Variants in RPTOR observed in about 807,000 individuals in gnomAD.
The protein encoded by RPTOR is regulatory-associated protein of mTOR.
Under a neutral mutation model 169.9 loss-of-function variants are expected in RPTOR, and 21 were observed. That is an observed-to-expected ratio of 0.12 (90% CI 0.09 to 0.18). RPTOR has a LOEUF of 0.18. Among genes scored for constraint, RPTOR ranks in the 10% least tolerant of loss-of-function variants. The pLI, the probability that RPTOR is intolerant of heterozygous loss-of-function variation, is 1.00. For missense variants in RPTOR, 1,133 were observed against 1,855.9 expected (o/e 0.61, Z 7.16); for synonymous variants, 732 against 753.2 (o/e 0.97, Z 0.46).
At chr17:80,816,273 G>T (rs575552578) in intron 7 of RPTOR, among the ~76,000 whole-genome samples, 1 of 152,246 alleles carries the variant, frequency 6.6e-6, no homozygotes, top group East Asian at 1.9e-4. Context: ...AGGCCTGGCT[G>T]CAGGGTGCCG....
At chr17:80,701,470 A>G (rs1260444878) in intron 3 of RPTOR, among the ~76,000 whole-genome samples, 3 of 152,172 alleles carry the variant, frequency 2.0e-5, no homozygotes, top group Admixed American at 6.5e-5. Context: ...CTTCCAGGGA[A>G]ATGCCGGGCA....
intron 24 of RPTOR, among the ~76,000 whole-genome samples, chr17:80,939,434 G>T (rs2068996267): frequency 6.6e-6 from 1 of 152,250 alleles, no homozygotes; most frequent in African/African-American, 2.4e-5. Context: ...CCTTTGCTCA[G>T]GGAAGAGAGG....
chr17:80,634,224 G>A (rs538436601), intron 2 of RPTOR, among the ~76,000 whole-genome samples: 7 of 149,294 alleles, frequency 4.7e-5, no homozygotes, highest in Admixed American at 1.3e-4. Flanking sequence ...CTGTGTGCGT[G>A]TGTGTACTGT....
intron 7 of RPTOR, among the ~76,000 whole-genome samples, chr17:80,793,921 C>T (rs1215629567): frequency 6.6e-6 from 1 of 152,208 alleles, no homozygotes; most frequent in Non-Finnish European, 1.5e-5. Context: ...GCCTAGAGCT[C>T]AGGTCTCAGG....
chr17:80,855,437 G>A (rs2143744183), intron 11 of RPTOR, 27 bp from the exon 12 acceptor site: 1 of 1,568,118 alleles, frequency 6.4e-7, no homozygotes, highest in Non-Finnish European at 8.8e-7. Context: ...GGTTTGCAGT[G>A]ATACCATTTT....
At chr17:80,567,782 A>G (rs2064860597) in intron 1 of RPTOR, among the ~76,000 whole-genome samples, 1 of 149,662 alleles carries the variant, frequency 6.7e-6, no homozygotes, top group African/African-American at 2.4e-5. Flanking sequence ...ACAGAGTGAG[A>G]CTCTGTATCA....
intron 5 of RPTOR, among the ~76,000 whole-genome samples, chr17:80,750,061 A>G (rs1028392185): frequency 6.6e-6 from 1 of 152,034 alleles, no homozygotes; most frequent in Non-Finnish European, 1.5e-5. Context: ...CATCTTGCCC[A>G]GGCTGATCTT....
intron 7 of RPTOR, among the ~76,000 whole-genome samples, chr17:80,794,804 C>T (rs575802888): frequency 6.6e-6 from 1 of 152,366 alleles, no homozygotes; most frequent in South Asian, 2.1e-4. Flanking sequence ...AGAAGCCCAT[C>T]TCCAAGGGTG....
chr17:80,942,865 G>A (rs906465974), intron 25 of RPTOR, among the ~76,000 whole-genome samples: 1 of 152,210 alleles, frequency 6.6e-6, no homozygotes, highest in Admixed American at 6.5e-5. Context: ...CGTGGGCTGG[G>A]TGGGGTTTCC....
chr17:80,845,390 G>A lies in RPTOR; in HGVS notation c.1213-1083G>A, dbSNP rs937484911. 9.9e-5 allele frequency among the ~76,000 whole-genome samples: 15 copies of A among 151,672 alleles called. No individual in the cohort carries two copies. Among genetic ancestry groups the A allele is most frequent in the Middle Eastern group, 3.2e-3 (1 of 316 alleles). ...CTGTCCAGCTGCAACCCCTCCTCCC[G>A]CCCTCACCCCAGAGAGTACCCTCGT... On this transcript the variant is annotated intron_variant, in intron 10 of 33. Transcript: ENST00000306801. The surrounding 1 kb of genome is among the most constrained non-coding windows in gnomAD (Gnocchi z 5.4).
At chr17:80,614,264 A>T (rs941857177) in intron 1 of RPTOR, among the ~76,000 whole-genome samples, 2 of 152,242 alleles carry the variant, frequency 1.3e-5, no homozygotes, top group Non-Finnish European at 2.9e-5. Context: ...CTCCCCGAGA[A>T]GGGGGCCTGT....
intron 27 of RPTOR, among the ~76,000 whole-genome samples, chr17:80,948,339 G>A (rs533930787): frequency 6.6e-6 from 1 of 152,386 alleles, no homozygotes; most frequent in East Asian, 1.9e-4. Flanking sequence ...TGCCCCCTCA[G>A]GACCAAGTAG....
At chr17:80,717,510 G>T (rs1373002803) in intron 4 of RPTOR, among the ~76,000 whole-genome samples, 1 of 151,918 alleles carries the variant, frequency 6.6e-6, no homozygotes, top group Admixed American at 6.5e-5. Flanking sequence ...GGTTTATTTT[G>T]CACATCACGT....
At chr17:80,652,059 A>G (rs1438379153) in intron 3 of RPTOR, among the ~76,000 whole-genome samples, 1 of 151,714 alleles carries the variant, frequency 6.6e-6, no homozygotes. Flanking sequence ...AGTCCCAGCT[A>G]TTCCGGAGGC....
intron 21 of RPTOR, 140 bp from the exon 22 acceptor site, chr17:80,922,584 T>C (rs1216389927): frequency 1.4e-6 from 1 of 705,772 alleles, no homozygotes. Flanking sequence ...AGCTGGGGCC[T>C]TCCATTGGTG....
intron 5 of RPTOR, chr17:80,743,369 C>G: frequency 1.0e-6 from 1 of 985,420 alleles, no homozygotes; most frequent in African/African-American, 1.7e-5. Flanking sequence ...CCGAGGGAGG[C>G]CTGAAGGAGA....
At position 80,800,844 on chromosome 17, in the gene RPTOR, T is replaced by C. The variant is rs1253729322; in HGVS notation, c.890+9335T>C. ...AGTTAGTATTCTGATCACTGGAGGC[T>C]CAAAGCGTACCCAGAACTTACTCGT... is the stretch of plus-strand genomic sequence containing the variant. On this transcript the variant is annotated intron_variant, in intron 7 of 33. Coordinates refer to ENST00000306801, the MANE Select transcript of RPTOR (RefSeq NM_020761.3). 3.9e-5 allele frequency among the ~76,000 whole-genome samples: 6 copies of C among 152,200 alleles called. No homozygotes were observed. The East Asian group carries it at 1.2e-3, about 29-fold the overall frequency.
chr17:80,571,892 T>G (rs1408555322), intron 1 of RPTOR, among the ~76,000 whole-genome samples: 1 of 152,224 alleles, frequency 6.6e-6, no homozygotes, highest in East Asian at 1.9e-4. Context: ...GTGTGTTGCT[T>G]CTTTTCTCAG....
chr17:80,796,301 C>T (rs1425739549), intron 7 of RPTOR, among the ~76,000 whole-genome samples: 1 of 152,206 alleles, frequency 6.6e-6, no homozygotes, highest in Non-Finnish European at 1.5e-5. Context: ...GCCAGTCTGA[C>T]TCCCAAAGCT....
Sources: gnomAD v4.1 joint callset for allele counts (sites outside exome capture counted in the v4.1 genomes callset) on GRCh38, gnomAD v4.1.1 for gene constraint, Gnocchi (gnomAD v3.1) non-coding constraint, MANE v1.5 for transcripts, NCBI Gene and HGNC (gene_info 2026-07-23, HGNC 2026-07-21) for gene names.